Variants in GLG1 observed in about 807,000 individuals in gnomAD.
GLG1 encodes golgi glycoprotein 1, also known as Golgi apparatus protein 1.
Under a neutral mutation model 160.5 loss-of-function variants are expected in GLG1, and 38 were observed. That is an observed-to-expected ratio of 0.24 (90% confidence interval 0.18 to 0.31). GLG1 has a LOEUF of 0.31. Among genes scored for constraint, GLG1 ranks in the 10% least tolerant of loss-of-function variants. The pLI is 1.00. For missense variants in GLG1, 1,373 were observed against 1,505.2 expected, an observed-to-expected ratio of 0.91 and a Z score of 1.45; for synonymous variants, 644 against 543.4, an observed-to-expected ratio of 1.19 and a Z score of -2.57.
intron 1 of GLG1, among the ~76,000 whole-genome samples, chr16:74,557,132 A>C (rs1567522074): frequency 6.6e-6 from 1 of 152,212 alleles, no homozygotes; most frequent in Non-Finnish European, 1.5e-5. Flanking sequence ...GTTTGTGGTT[A>C]TTACAATCAT....
rs1191349486 is a variant in GLG1 at position 74,606,712 on chromosome 16, T to G, written c.383A>C (p.Lys128Thr). ...CGCCAGGTTGTTGCTCCAGGTGTGC[T>G]TAGGGCACACGCGGGTCACGTCCTC... ...CREDVTRVCP[K>T]HTWSNNLAVL... Residue 128 changes from lysine to threonine, a missense_variant, in exon 1 of 26, where the codon AAG becomes ACG. By Grantham distance (78) the Lys-to-Thr change is moderately conservative. Around this residue, in one of 4 missense-constraint regions of GLG1, gnomAD observed 322 missense variants for 254.6 expected, o/e 1.26. Coordinates refer to ENST00000422840, the MANE Select transcript of GLG1 (RefSeq NM_001145667.2). 61 of 1,612,110 alleles carry G rather than the reference T, an allele frequency of 3.8e-5. No individual in the cohort carries two copies. Among genetic ancestry groups the G allele is most frequent in the Non-Finnish European group, 4.5e-5 (53 of 1,178,802 alleles).
intron 20 of GLG1, 189 bp from the exon 21 acceptor site, chr16:74,462,819 G>C: frequency 3.3e-6 from 2 of 608,152 alleles, no homozygotes; most frequent in Middle Eastern, 4.3e-4. Context: ...TTGTTAACGA[G>C]TACTTCTGGA....
intron 19 of GLG1, among the ~76,000 whole-genome samples, chr16:74,464,451 T>C (rs1206479587): frequency 6.6e-6 from 1 of 152,226 alleles, no homozygotes; most frequent in Non-Finnish European, 1.5e-5. Flanking sequence ...AGCTGTGGAC[T>C]AGTAATAAAC....
chr16:74,586,301 G>A (rs1049825556), intron 1 of GLG1, among the ~76,000 whole-genome samples: 2 of 152,050 alleles, frequency 1.3e-5, no homozygotes, highest in African/African-American at 4.8e-5. Context: ...ATATTTTTGG[G>A]TTTTTTATGG....
chr16:74,590,654 C>T (rs1351978924), intron 1 of GLG1, among the ~76,000 whole-genome samples: 3 of 146,800 alleles, frequency 2.0e-5, no homozygotes, highest in Admixed American at 6.8e-5. Context: ...ATTAGCCGGG[C>T]GTGGTGACAC....
At chr16:74,459,822 C>A (rs2014713545) in intron 22 of GLG1, 33 bp from the exon 23 acceptor site, 6 of 1,066,222 alleles carry the variant, frequency 5.6e-6, no homozygotes, top group South Asian at 1.4e-5. Flanking sequence ...AAAGCTACCC[C>A]ACTGAGCACA....
chr16:74,558,387 A>G (rs560243523), intron 1 of GLG1, among the ~76,000 whole-genome samples: 5 of 152,376 alleles, frequency 3.3e-5, no homozygotes, highest in African/African-American at 2.4e-5. Context: ...CCATGTGCTC[A>G]ATTATGAATA....
At chr16:74,549,435 C>T (rs1187444649) in intron 1 of GLG1, among the ~76,000 whole-genome samples, 1 of 152,114 alleles carries the variant, frequency 6.6e-6, no homozygotes, top group African/African-American at 2.4e-5. Flanking sequence ...TACAGGCGCC[C>T]GCCACCACGC....
In GLG1 at chr16:74,493,190, T is replaced by G. The variant is rs376093385; in HGVS notation, c.1051-50A>C. 38 of 1,289,614 alleles carry G rather than the reference T, an allele frequency of 2.9e-5. No homozygotes were observed. In the African/African-American group the frequency reaches 5.0e-4, roughly 17 times the overall value. 79.9% of individuals were successfully genotyped at this position (1,289,614 alleles called of 1,614,324 possible). A position where few individuals can be genotyped will look rare whatever the true frequency, so the allele number is the denominator to read the frequency against. On this transcript the variant is annotated intron_variant, in intron 6 of 25. Transcript: ENST00000422840. ...CGTGAGACCACTCATGTAACTTTAC[T>G]GTTGACGTGTACCACTAAGATGAGC... is the stretch of plus-strand genomic sequence containing the variant.
chr16:74,530,959 A>T (rs1211007134), intron 2 of GLG1, among the ~76,000 whole-genome samples: 1 of 152,214 alleles, frequency 6.6e-6, no homozygotes, highest in Non-Finnish European at 1.5e-5. Context: ...GTTTATTAAT[A>T]GCATTTTCTA....
chr16:74,536,805 G>A (rs1373727806), intron 1 of GLG1, among the ~76,000 whole-genome samples: 2 of 152,164 alleles, frequency 1.3e-5, no homozygotes, highest in Non-Finnish European at 2.9e-5. Flanking sequence ...GGAAGAACAT[G>A]ACCAAGATAG....
At chr16:74,508,596 T>C (rs1446030257) in intron 3 of GLG1, among the ~76,000 whole-genome samples, 1 of 152,166 alleles carries the variant, frequency 6.6e-6, no homozygotes, top group Non-Finnish European at 1.5e-5. Context: ...GCACTTTTAC[T>C]TGCTGTTTTG....
intron 1 of GLG1, among the ~76,000 whole-genome samples, chr16:74,591,532 G>A (rs1266485090): frequency 6.6e-6 from 1 of 151,748 alleles, no homozygotes; most frequent in Non-Finnish European, 1.5e-5. Flanking sequence ...GGAGGCTGAG[G>A]CAGGAGAATG....
At chr16:74,568,803 A>G (rs1311943172) in intron 1 of GLG1, among the ~76,000 whole-genome samples, 2 of 152,260 alleles carry the variant, frequency 1.3e-5, no homozygotes, top group East Asian at 1.9e-4. Flanking sequence ...AAGCTTAAAA[A>G]TAAGTGCAGT....
At chr16:74,525,811 T>G (rs1260886141) in intron 2 of GLG1, among the ~76,000 whole-genome samples, 1 of 151,202 alleles carries the variant, frequency 6.6e-6, no homozygotes, top group African/African-American at 2.4e-5. Flanking sequence ...AGGCTGCCAT[T>G]CAACTTTCTT....
Position 74,565,237 on chromosome 16 carries a change from G to A in GLG1, c.439-33084C>T, listed in dbSNP as rs542932893. Among the ~76,000 whole-genome samples the A allele has an allele frequency of 4.6e-5, 7 of 152,234 alleles. No homozygotes were observed. In the East Asian group the frequency reaches 9.6e-4, roughly 21 times the overall value. On this transcript the variant is annotated intron_variant, in intron 1 of 25. Coordinates refer to ENST00000422840, the MANE Select transcript of GLG1 (RefSeq NM_001145667.2). ...CCAGGTACTTGGGAGGCTGAGACAT[G>A]AGAATCACTTGAACCCAGGGGGCAG...
At position 74,452,211 on chromosome 16, in the gene GLG1, C is replaced by T. The variant is rs1047227014; in HGVS notation, c.*956G>A. On this transcript the variant is annotated 3_prime_UTR_variant, in exon 26 of 26. Coordinates refer to ENST00000422840, the MANE Select transcript of GLG1 (RefSeq NM_001145667.2). ...GCTCCCCACACCCATCTTCAAGGAC[C>T]CCTCCCGCCACAGTCCTGCCTCCTG... 5.2e-6 allele frequency: 8 copies of T among 1,537,650 alleles called. No individual in the cohort carries two copies. Among genetic ancestry groups the T allele is most frequent in the Non-Finnish European group, 7.0e-6 (8 of 1,142,006 alleles).
At chr16:74,472,300 T>C (rs760363490) in intron 14 of GLG1, 49 bp downstream of exon 14, 1 of 1,243,096 alleles carries the variant, frequency 8.0e-7, no homozygotes, top group Non-Finnish European at 1.2e-6. Flanking sequence ...GGAGAGTCCC[T>C]GTCAATTTGT....
At chr16:74,524,503 T>A (rs536418410) in intron 2 of GLG1, among the ~76,000 whole-genome samples, 2 of 152,156 alleles carry the variant, frequency 1.3e-5, no homozygotes, top group Non-Finnish European at 2.9e-5. Flanking sequence ...TAAAGAATTA[T>A]GGTATTTTAA....
Sources: gnomAD v4.1 joint callset for allele counts (sites outside exome capture counted in the v4.1 genomes callset) on GRCh38, gnomAD v4.1.1 for gene constraint, gnomAD v4.1.1 regional missense constraint, MANE v1.5 for transcripts, NCBI Gene and HGNC (gene_info 2026-07-23, HGNC 2026-07-21) for gene names.